MOBP: variants seen among roughly 807,000 people sequenced by gnomAD.
The protein encoded by MOBP is myelin associated oligodendrocyte basic protein, also known as myelin-associated oligodendrocyte basic protein.
MOBP carries 5 observed loss-of-function variants against 15.0 expected under a neutral mutation model. The ratio of observed to expected loss-of-function variants is 0.33; its 90% confidence interval spans 0.17 to 0.70. The LOEUF (loss-of-function observed/expected upper bound fraction) is 0.70. Ranked by LOEUF, MOBP falls within the 30% of genes least tolerant of loss-of-function variation. The pLI is 0.67. For synonymous variants in MOBP, 88 were observed against 99.0 expected (o/e 0.89, Z 0.66); for missense variants, 188 against 257.8 (o/e 0.73, Z 1.85).
At chr3:39,468,558 T>C (rs1228837805) in intron 1 of MOBP, among the ~76,000 whole-genome samples, 1 of 152,148 alleles carries the variant, frequency 6.6e-6, no homozygotes, top group Non-Finnish European at 1.5e-5. Context: ...TCAGAAAAGT[T>C]GCAAACAATA....
chr3:39,471,545 A>G (rs548272791), intron 1 of MOBP, among the ~76,000 whole-genome samples: 1 of 152,260 alleles, frequency 6.6e-6, no homozygotes, highest in East Asian at 1.9e-4. Flanking sequence ...TTAACAATTC[A>G]ATTACACCAG....
chr3:39,492,554 A>T (rs1296669896), intron 2 of MOBP, among the ~76,000 whole-genome samples: 1 of 152,128 alleles, frequency 6.6e-6, no homozygotes, highest in Non-Finnish European at 1.5e-5. Context: ...ATATCACATC[A>T]ATTCTACAGT....
At chr3:39,497,441 T>A (rs142310940) in intron 2 of MOBP, among the ~76,000 whole-genome samples, 21 of 152,324 alleles carry the variant, frequency 1.4e-4, no homozygotes, top group African/African-American at 5.1e-4. Context: ...TCCTCTGAAG[T>A]CTAGTCTGGG....
chr3:39,488,483 C>A (rs937744534), intron 2 of MOBP, among the ~76,000 whole-genome samples: 6 of 152,116 alleles, frequency 3.9e-5, no homozygotes, highest in African/African-American at 1.4e-4. Flanking sequence ...ATGTCCTGTT[C>A]ATTGTTAGGT....
rs1224070730 is a variant in MOBP, at chr3:39,469,430, GGAATTAA to G, written c.-89+1691_-89+1697del. Among the ~76,000 whole-genome samples the G allele has an allele frequency of 1.6e-3, 190 of 120,184 alleles. 2 individuals carry two copies. Among genetic ancestry groups the G allele is most frequent in the African/African-American group, 6.6e-3 (179 of 27,126 alleles). The allele number at this position is 120,184 out of a possible 152,430, so 78.8% of individuals were successfully genotyped here. A position where few individuals can be genotyped will look rare whatever the true frequency, so the allele number is the denominator to read the frequency against. On this transcript the variant is annotated intron_variant, in intron 1 of 3. Transcript: ENST00000684792. ...GAATTAATTAAAATTTATTTTAATT[GGAATTAA>G]TTAAAATTAGAAAATTACTATTGAG...
downstream of MOBP, among the ~76,000 whole-genome samples, chr3:39,520,675 C>T (rs17039147): frequency 0.049 from 7,494 of 152,040 alleles, 666 homozygotes; most frequent in African/African-American, 0.17. Flanking sequence ...TTCTTTCTAC[C>T]GCTTCTTGTG....
At chr3:39,490,794 C>T (rs1049691298) in intron 2 of MOBP, among the ~76,000 whole-genome samples, 14 of 152,154 alleles carry the variant, frequency 9.2e-5, no homozygotes, top group Non-Finnish European at 1.5e-4. Flanking sequence ...AACGCTTGAC[C>T]TTGGGTGATC....
At chr3:39,518,693 C>T (rs1408371136), downstream of MOBP, among the ~76,000 whole-genome samples, 3 of 152,190 alleles carry the variant, frequency 2.0e-5, no homozygotes, top group Non-Finnish European at 4.4e-5. Flanking sequence ...AATCCTATTG[C>T]ATCCACCATC....
chr3:39,512,364 G>A (rs1248557176), intron 4 of MOBP, among the ~76,000 whole-genome samples: 1 of 152,164 alleles, frequency 6.6e-6, no homozygotes, highest in African/African-American at 2.4e-5. Context: ...AAAACATGCA[G>A]GCTGCCACAT....
intron 2 of MOBP, among the ~76,000 whole-genome samples, chr3:39,486,039 C>T (rs1307754208): frequency 6.6e-6 from 1 of 152,186 alleles, no homozygotes; most frequent in Non-Finnish European, 1.5e-5. Flanking sequence ...AAGCACTGGT[C>T]TTTTAACTTG....
At chr3:39,491,553 CT>C (rs2042795544) in intron 2 of MOBP, among the ~76,000 whole-genome samples, 1 of 152,032 alleles carries the variant, frequency 6.6e-6, no homozygotes, top group Non-Finnish European at 1.5e-5. Flanking sequence ...TTTTGTAATT[CT>C]TAATTTCAAA....
At chr3:39,504,701 A>C (rs1482616715), downstream of MOBP, among the ~76,000 whole-genome samples, 1 of 152,216 alleles carries the variant, frequency 6.6e-6, no homozygotes, top group Non-Finnish European at 1.5e-5. Flanking sequence ...TTCAGGTAAT[A>C]TATTGGAGCC....
chr3:39,488,069 C>T (rs755233022), intron 2 of MOBP, among the ~76,000 whole-genome samples: 1 of 152,128 alleles, frequency 6.6e-6, no homozygotes, highest in Non-Finnish European at 1.5e-5. Flanking sequence ...ACAATCCATA[C>T]ATTTTAGTCT....
chr3:39,518,909 G>C (rs2043233559), downstream of MOBP, among the ~76,000 whole-genome samples: 1 of 152,160 alleles, frequency 6.6e-6, no homozygotes, highest in Non-Finnish European at 1.5e-5. Context: ...GGCATAGTGG[G>C]GATTAGAACA....
chr3:39,478,211 C>T (rs1188777514), intron 1 of MOBP, among the ~76,000 whole-genome samples: 1 of 152,136 alleles, frequency 6.6e-6, no homozygotes, highest in Non-Finnish European at 1.5e-5. Context: ...ATAGCTGTAC[C>T]ATTTTAAATC....
At chr3:39,505,986 T>C (rs2043043272), downstream of MOBP, among the ~76,000 whole-genome samples, 1 of 152,104 alleles carries the variant, frequency 6.6e-6, no homozygotes, top group South Asian at 2.1e-4. Context: ...CATCAGAATA[T>C]GCATCTGTCT....
intron 1 of MOBP, among the ~76,000 whole-genome samples, chr3:39,469,329 T>TTTAACTAAAATTTATTTTAATTGGAA (rs1559412469): frequency 1.4e-4 from 15 of 110,064 alleles, no homozygotes; most frequent in Non-Finnish European, 3.2e-4. Context: ...TCTAATTAAT[T>TTTAACTAAAATTTATTTTAATTGGAA]TTAATTAAAA....
At chr3:39,516,382 G>C (rs1452082735), downstream of MOBP, among the ~76,000 whole-genome samples, 1 of 152,200 alleles carries the variant, frequency 6.6e-6, no homozygotes, top group Non-Finnish European at 1.5e-5. Flanking sequence ...TCAGATGAGA[G>C]GATCAGGCAT....
rs183095936 is a variant in MOBP at position 39,479,075 on chromosome 3, G to A, written c.-88-965G>A. On this transcript the variant is annotated intron_variant, in intron 1 of 3. Coordinates refer to ENST00000684792, the MANE Select transcript of MOBP (RefSeq NM_001393704.1). ...GAACTCCTGACCTTGTGATCCACCC[G>A]CCTCGGCCTCCCAAAGTGTTGGGAT... Among the ~76,000 whole-genome samples the A allele has an allele frequency of 3.1e-4, 47 of 152,104 alleles. No individual in the cohort carries two copies. In the South Asian group the frequency reaches 6.2e-3, roughly 20 times the overall value.
Sources: gnomAD v4.1 joint callset for allele counts (sites outside exome capture counted in the v4.1 genomes callset) on GRCh38, gnomAD v4.1.1 for gene constraint, MANE v1.5 for transcripts, NCBI Gene and HGNC (gene_info 2026-07-23, HGNC 2026-07-21) for gene names.